The following MICAL2 variants were observed in gnomAD, a reference collection of about 807,000 sequenced individuals.
MICAL2 encodes the protein microtubule associated monooxygenase, calponin and LIM domain containing 2, also known as [F-actin]-monooxygenase MICAL2.
Under a neutral mutation model 127.3 loss-of-function variants are expected in MICAL2, and 77 were observed. The observed-to-expected ratio is 0.60, with a 90% CI of 0.50 to 0.73. MICAL2 has a LOEUF of 0.73. Among genes scored for constraint, MICAL2 ranks in the 30% least tolerant of loss-of-function variants. The probability of loss-of-function intolerance (pLI) is 0.00; values close to 1 mark genes in which losing one functional copy is unlikely to be tolerated. For missense variants in MICAL2, 1,351 were observed against 1,434.4 expected, an observed-to-expected ratio of 0.94 and a Z score of 0.94; for synonymous variants, 570 against 551.1, an observed-to-expected ratio of 1.03 and a Z score of -0.48.
At chr11:12,290,640 A>T (rs1468005533), downstream of MICAL2, among the ~76,000 whole-genome samples, 4 of 152,176 alleles carry the variant, frequency 2.6e-5, no homozygotes, top group African/African-American at 9.7e-5. Flanking sequence ...GAGGCAGGCC[A>T]GCCGCCTCCC....
At chr11:12,224,442 A>G in intron 12 of MICAL2, 1 of 542,068 alleles carries the variant, frequency 1.8e-6, no homozygotes, top group Non-Finnish European at 3.3e-6. Context: ...GGTCTTAGGA[A>G]CTCTGCTGGA....
chr11:12,258,930 C>T (rs1025135152), intron 25 of MICAL2, among the ~76,000 whole-genome samples: 9 of 152,298 alleles, frequency 5.9e-5, no homozygotes, highest in Admixed American at 4.6e-4. Flanking sequence ...GGTATAGGAC[C>T]GACCCTTCTA....
At chr11:12,189,746 T>C (rs1336534829) in intron 3 of MICAL2, among the ~76,000 whole-genome samples, 4 of 152,164 alleles carry the variant, frequency 2.6e-5, no homozygotes, top group Non-Finnish European at 2.9e-5. Context: ...CAGCTATGGC[T>C]CACGTTCTGC....
At chr11:12,233,556 G>C (rs1488235179) in intron 15 of MICAL2, among the ~76,000 whole-genome samples, 2 of 152,162 alleles carry the variant, frequency 1.3e-5, no homozygotes, top group Non-Finnish European at 2.9e-5. Context: ...ATCTTGTGCT[G>C]ATCAAATAAA....
At chr11:12,243,883 T>A in intron 20 of MICAL2, 104 bp from the exon 21 acceptor site, 1 of 1,399,948 alleles carries the variant, frequency 7.1e-7, no homozygotes, top group Admixed American at 1.7e-5. Context: ...TCTCCTTTCT[T>A]TGCCTTCTTG....
chr11:12,273,103 C>T (rs1863690021), upstream of MICAL2, among the ~76,000 whole-genome samples: 1 of 152,324 alleles, frequency 6.6e-6, no homozygotes, highest in African/African-American at 2.4e-5. Flanking sequence ...CAACAGTGTC[C>T]ATTCATGGTT....
chr11:12,167,929 C>T (rs1037978968), intron 3 of MICAL2, among the ~76,000 whole-genome samples: 3 of 152,040 alleles, frequency 2.0e-5, no homozygotes, highest in African/African-American at 7.3e-5. Flanking sequence ...TTTAGCTGTC[C>T]TCATAGGAAG....
chr11:12,175,219 T>C (rs185285984), intron 3 of MICAL2, among the ~76,000 whole-genome samples: 1 of 152,182 alleles, frequency 6.6e-6, no homozygotes, highest in Non-Finnish European at 1.5e-5. Context: ...CTCACGTCTG[T>C]AATCCCAGCA....
intron 1 of MICAL2, among the ~76,000 whole-genome samples, chr11:12,134,569 G>A (rs531868377): frequency 6.6e-6 from 1 of 152,188 alleles, no homozygotes; most frequent in Non-Finnish European, 1.5e-5. Context: ...GGCTTCCTGG[G>A]TCTCACTGGG....
intron 3 of MICAL2, among the ~76,000 whole-genome samples, chr11:12,179,705 C>G (rs1291397031): frequency 2.6e-5 from 4 of 152,188 alleles, no homozygotes; most frequent in Non-Finnish European, 5.9e-5. Flanking sequence ...ACTCTAGTGT[C>G]TCTAATTCTG....
intron 2 of MICAL2, among the ~76,000 whole-genome samples, chr11:12,157,909 C>T (rs933005727): frequency 6.6e-6 from 1 of 152,122 alleles, no homozygotes; most frequent in Non-Finnish European, 1.5e-5. Context: ...TATGAGGTTC[C>T]CTAGTTATAC....
chr11:12,214,067 C>A (rs1450231186), intron 7 of MICAL2, among the ~76,000 whole-genome samples: 1 of 152,140 alleles, frequency 6.6e-6, no homozygotes, highest in East Asian at 1.9e-4. Flanking sequence ...CAAAATCCGT[C>A]CCTCCTGGGC....
chr11:12,188,968 G>A (rs974546226), intron 3 of MICAL2, among the ~76,000 whole-genome samples: 1 of 152,050 alleles, frequency 6.6e-6, no homozygotes, highest in Non-Finnish European at 1.5e-5. Context: ...TCAACAAATA[G>A]AAAACTAAAT....
At chr11:12,304,425 G>A (rs1177365621) in intron 29 of MICAL2, among the ~76,000 whole-genome samples, 1 of 152,156 alleles carries the variant, frequency 6.6e-6, no homozygotes, top group Admixed American at 6.6e-5. Context: ...GAGGTGGGCA[G>A]TTTGAGACCA....
chr11:12,324,064 G>C, exon 31 of MICAL2: 1 of 1,610,238 alleles, frequency 6.2e-7, no homozygotes, highest in South Asian at 1.1e-5. Context: ...GACTCTATAA[G>C]GCTCAGGTCA....
intron 2 of MICAL2, among the ~76,000 whole-genome samples, chr11:12,143,987 G>A (rs1852621020): frequency 6.6e-6 from 1 of 152,046 alleles, no homozygotes; most frequent in South Asian, 2.1e-4. Context: ...TCTCCTGGGC[G>A]TGGTTGTTCC....
intron 29 of MICAL2, among the ~76,000 whole-genome samples, chr11:12,306,464 G>A (rs951455768): frequency 6.6e-6 from 1 of 151,906 alleles, no homozygotes; most frequent in Admixed American, 6.6e-5. Flanking sequence ...TTTTTATTGA[G>A]GTATAATTTA....
chr11:12,224,541 C>A, intron 12 of MICAL2, 132 bp from the exon 13 acceptor site: 1 of 1,223,298 alleles, frequency 8.2e-7, no homozygotes, highest in Non-Finnish European at 1.1e-6. Flanking sequence ...TGCCAGTGGC[C>A]CCCTGCCCTG....
intron 23 of MICAL2, chr11:12,255,976 T>A (rs916223363): frequency 6.2e-6 from 3 of 481,404 alleles, no homozygotes; most frequent in African/African-American, 1.9e-5. Flanking sequence ...AAAATAGAGA[T>A]CTTCCTGCTC....
Sources: allele counts gnomAD v4.1 joint callset (sites outside exome capture counted in the v4.1 genomes callset), GRCh38; gene constraint gnomAD v4.1.1; transcripts MANE v1.5; gene names NCBI Gene and HGNC (gene_info 2026-07-23, HGNC 2026-07-21).